The following TOPAZ1 variants were observed in gnomAD, a reference collection of about 807,000 sequenced individuals.
TOPAZ1 encodes testis and ovary specific TOPAZ 1.
Under a neutral mutation model 172.2 loss-of-function variants are expected in TOPAZ1, and 66 were observed. That is an observed-to-expected ratio of 0.38 (90% CI 0.31 to 0.47). The LOEUF (loss-of-function observed/expected upper bound fraction) is 0.47. TOPAZ1 is among the 20% of genes least tolerant of loss of function. TOPAZ1 has a pLI of 0.99. For synonymous variants in TOPAZ1, 681 were observed against 683.9 expected (o/e 1.00, Z 0.07); for missense variants, 1,822 against 1,972.4 (o/e 0.92, Z 1.44).
At chr3:44,314,222 C>T (rs184999342) in intron 16 of TOPAZ1, among the ~76,000 whole-genome samples, 25 of 152,168 alleles carry the variant, frequency 1.6e-4, no homozygotes, top group African/African-American at 5.5e-4. Context: ...CCACTGCACC[C>T]GGCCAACTTT....
At chr3:44,327,907 A>G (rs911891415) in intron 18 of TOPAZ1, among the ~76,000 whole-genome samples, 8 of 151,582 alleles carry the variant, frequency 5.3e-5, no homozygotes, top group African/African-American at 9.7e-5. Flanking sequence ...ACCACACCCA[A>G]CTAATTTTTG....
intron 16 of TOPAZ1, among the ~76,000 whole-genome samples, chr3:44,315,055 C>A (rs533213056): frequency 6.6e-6 from 1 of 152,012 alleles, no homozygotes; most frequent in East Asian, 1.9e-4. Flanking sequence ...GAGTATTTCA[C>A]CTGTGGTGGT....
At position 44,305,326 on chromosome 3, in the gene TOPAZ1, A is replaced by G; in HGVS notation, c.4039+5A>G. 6.5e-7 allele frequency: 1 copy of G among 1,532,142 alleles called. No homozygotes were observed. The highest frequency in any genetic ancestry group is 2.5e-5 in the East Asian group (1 of 40,590). 94.9% of individuals were successfully genotyped at this position (1,532,142 alleles called of 1,614,324 possible). ...TTTGTGAATTTGCTGAAACAGGTAA[A>G]ATGTAACTATTGGCCTGAATATTGT... On this transcript the variant is annotated splice_donor_5th_base_variant and intron_variant, in intron 14 of 19. Transcript: ENST00000309765.
chr3:44,298,915 T>A (rs1360769122), intron 12 of TOPAZ1, among the ~76,000 whole-genome samples: 9,511 of 30,000 alleles, frequency 0.32, 952 homozygotes, highest in Middle Eastern at 0.39. Context: ...ATATATTTTT[T>A]TTTTTTTTTT....
chr3:44,332,267 T>A (rs1195878931), downstream of TOPAZ1, among the ~76,000 whole-genome samples: 19 of 152,102 alleles, frequency 1.2e-4, no homozygotes, highest in Admixed American at 1.2e-3. Context: ...TATTCTGAAA[T>A]CCAAAACTGA....
In TOPAZ1 at chr3:44,242,033, A is replaced by T. The variant is rs9850927; in HGVS notation, c.-21A>T. The T allele has an allele frequency of 2.0e-6, 3 of 1,537,020 alleles. No homozygotes were observed. The highest frequency in any genetic ancestry group is 2.7e-5 in the African/African-American group (2 of 72,752). On this transcript the variant is annotated 5_prime_UTR_variant, in exon 1 of 20. Coordinates refer to ENST00000309765, the MANE Select transcript of TOPAZ1 (RefSeq NM_001145030.2). The stretch of plus-strand genomic sequence containing the variant: ...CTGCGAGCTGGTGCAGAGGGGCCCC[A>T]GCGGGCCGGCCCCGGGGCACATGCG...
At chr3:44,267,349 A>C (rs1559531191) in intron 6 of TOPAZ1, among the ~76,000 whole-genome samples, 1 of 137,058 alleles carries the variant, frequency 7.3e-6, no homozygotes, top group Non-Finnish European at 1.5e-5. Context: ...GCTGGAGTGC[A>C]GTGGCACGAT....
At chr3:44,262,544 G>C in intron 5 of TOPAZ1, 61 bp downstream of exon 5, 1 of 905,820 alleles carries the variant, frequency 1.1e-6, no homozygotes, top group South Asian at 1.7e-5. Flanking sequence ...TTTATATCTT[G>C]AGTATGTTTT....
At chr3:44,255,895 A>G (rs1197846057) in intron 3 of TOPAZ1, among the ~76,000 whole-genome samples, 1 of 151,238 alleles carries the variant, frequency 6.6e-6, no homozygotes, top group Non-Finnish European at 1.5e-5. Flanking sequence ...TATATTTAAA[A>G]TAAGTGCATT....
chr3:44,241,954 C>T lies in TOPAZ1; in HGVS notation c.-100C>T. 1 of 1,144,352 alleles carries T rather than the reference C, an allele frequency of 8.7e-7. No individual in the cohort carries two copies. Among genetic ancestry groups the T allele is most frequent in the Non-Finnish European group, 1.2e-6 (1 of 817,104 alleles). The allele number at this position is 1,144,352 out of a possible 1,614,324, so 70.9% of individuals were successfully genotyped here. A position where few individuals can be genotyped will look rare whatever the true frequency, so the allele number is the denominator to read the frequency against. On this transcript the variant is annotated 5_prime_UTR_variant, in exon 1 of 20. Transcript: ENST00000309765. ...TGGTGACTGGCGGTGTGGGGTGGGTCAGAGGGCAGTAGGTACCTCCAGGCG... is the reference window on the plus strand; with the variant it reads ...TGGTGACTGGCGGTGTGGGGTGGGTTAGAGGGCAGTAGGTACCTCCAGGCG...
At position 44,242,071 on chromosome 3, in the gene TOPAZ1, C is replaced by T; in HGVS notation, c.18C>T (p.Pro6=). 6.5e-7 allele frequency: 1 copy of T among 1,545,798 alleles called. No homozygotes were observed. Among genetic ancestry groups the T allele is most frequent in the Non-Finnish European group, 8.7e-7 (1 of 1,146,350 alleles). Residue 6 remains proline, a synonymous_variant, in exon 1 of 20, where the codon CCC becomes CCT. Coordinates refer to ENST00000309765, the MANE Select transcript of TOPAZ1 (RefSeq NM_001145030.2). ...CGGGGCACATGCGACGACCTCCACC[C>T]CTGGGCCCCACGACGGCCTCAGGGC... MRRPP[P]LGPTTASGPE...
intron 16 of TOPAZ1, among the ~76,000 whole-genome samples, chr3:44,317,371 A>T (rs763805191): frequency 2.0e-5 from 3 of 152,210 alleles, no homozygotes; most frequent in Non-Finnish European, 4.4e-5. Flanking sequence ...CAGTGAGCCA[A>T]GATCGCGGCA....
chr3:44,245,411 T>C (rs1699552237), intron 2 of TOPAZ1, 140 bp downstream of exon 2: 1 of 807,310 alleles, frequency 1.2e-6, no homozygotes, highest in African/African-American at 1.7e-5. Context: ...TATATACCAT[T>C]ATTACTGCTG....
At chr3:44,267,731 T>G (rs1391640824) in intron 6 of TOPAZ1, among the ~76,000 whole-genome samples, 1 of 152,204 alleles carries the variant, frequency 6.6e-6, no homozygotes, top group Non-Finnish European at 1.5e-5. Context: ...GTGTCAGTTT[T>G]TTGATAATTA....
At position 44,323,219 on chromosome 3, in the gene TOPAZ1, T is replaced by G; in HGVS notation, c.4599T>G (p.Asp1533Glu). Residue 1533 changes from aspartate (D) to glutamate (E), a missense_variant, in exon 18 of 20, where the codon GAT becomes GAG. By Grantham distance (45) the Asp-to-Glu change is conservative (BLOSUM62 2). Around this residue, in one of 2 missense-constraint regions of TOPAZ1, gnomAD observed 333 missense variants for 481.7 expected, o/e 0.69. Transcript: ENST00000309765. ...TGATTTCAAAGAGCATCCCTATTGA[T>G]TTTTCCTTTCTCAGAAGATTAATTA... ...EFMISKSIPI[D>E]FSFLRRLITS... The G allele has an allele frequency of 6.4e-7, 1 of 1,550,714 alleles. No individual in the cohort carries two copies. The highest frequency in any genetic ancestry group is 8.7e-7 in the Non-Finnish European group (1 of 1,146,378).
In TOPAZ1 at chr3:44,243,374, G is replaced by A. The variant is rs934734957; in HGVS notation, c.868G>A (p.Val290Ile). The A allele has an allele frequency of 1.9e-6, 3 of 1,550,956 alleles. No individual in the cohort carries two copies. Among genetic ancestry groups the A allele is most frequent in the Non-Finnish European group, 2.6e-6 (3 of 1,146,798 alleles). The part of the protein sequence containing the change: ...LLQTEENVMG[V>I]NKLLPEESDL... Reference sequence around the variant, plus strand: ...ACAAACAGAAGAAAATGTAATGGGAGTAAATAAGTTACTACCAGAAGAGAG... The same window carrying A: ...ACAAACAGAAGAAAATGTAATGGGAATAAATAAGTTACTACCAGAAGAGAG... The change falls in exon 2 of 20, where the codon GTA becomes ATA. Residue 290 changes from valine to isoleucine, a missense_variant. By Grantham distance (29) the Val-to-Ile change is conservative. Coordinates refer to ENST00000309765, the MANE Select transcript of TOPAZ1 (RefSeq NM_001145030.2).
chr3:44,315,151 T>C (rs1317180584), intron 16 of TOPAZ1, among the ~76,000 whole-genome samples: 2 of 114,012 alleles, frequency 1.8e-5, no homozygotes, highest in East Asian at 7.2e-4. Flanking sequence ...TCTTCATTTA[T>C]GTATCTTTAT....
In TOPAZ1 at chr3:44,309,884, A is replaced by T. The variant is rs745378169; in HGVS notation, c.4200A>T (p.Gly1400=). ...ELKIHFTSLK[G]LIGPEKLASR... ...AAATACACTTTACAAGTTTAAAAGGACTTATAGGGCCTGAGAAGTTAGCAT... is the reference window on the plus strand; with the variant it reads ...AAATACACTTTACAAGTTTAAAAGGTCTTATAGGGCCTGAGAAGTTAGCAT... The change falls in exon 16 of 20, where the codon GGA becomes GGT. Residue 1400 remains glycine, a synonymous_variant. Transcript: ENST00000309765. 1.7e-5 allele frequency: 26 copies of T among 1,549,102 alleles called. No homozygotes were observed. Among genetic ancestry groups the T allele is most frequent in the Non-Finnish European group, 2.3e-5 (26 of 1,144,986 alleles).
intron 18 of TOPAZ1, 106 bp downstream of exon 18, chr3:44,323,401 T>A: frequency 1.6e-6 from 1 of 642,714 alleles, no homozygotes; most frequent in Non-Finnish European, 2.5e-6. Flanking sequence ...AAAAGAGCAG[T>A]AATACATATT....
Sources: gnomAD v4.1 joint callset for allele counts (sites outside exome capture counted in the v4.1 genomes callset) on GRCh38, gnomAD v4.1.1 for gene constraint, gnomAD v4.1.1 regional missense constraint, MANE v1.5 for transcripts, NCBI Gene and HGNC (gene_info 2026-07-23, HGNC 2026-07-21) for gene names.